The following COQ8A variants were observed in gnomAD, a reference collection of about 807,000 sequenced individuals.
The protein encoded by COQ8A is atypical kinase COQ8A, mitochondrial.
In COQ8A, 51 loss-of-function variants were observed where a neutral mutation model predicts 65.0. The ratio of observed to expected loss-of-function variants is 0.78; its 90% CI spans 0.63 to 0.99. The LOEUF (loss-of-function observed/expected upper bound fraction) is 0.99, where lower values mean the gene tolerates loss of function less well. Among genes scored for constraint, COQ8A ranks in the 50% least tolerant of loss-of-function variants. The pLI is 0.00. For missense variants in COQ8A, 940 were observed against 875.0 expected (o/e 1.07, Z -0.94); for synonymous variants, 371 against 353.2 (o/e 1.05, Z -0.57).
intron 1 of COQ8A, among the ~76,000 whole-genome samples, chr1:226,951,002 G>T (rs1193682091): frequency 6.6e-6 from 1 of 152,244 alleles, no homozygotes; most frequent in Non-Finnish European, 1.5e-5. Context: ...GTACAGACCT[G>T]TGTGAGGGCC....
intron 1 of COQ8A, among the ~76,000 whole-genome samples, chr1:226,957,380 G>C (rs1428920572): frequency 2.1e-5 from 3 of 145,968 alleles, no homozygotes; most frequent in Non-Finnish European, 4.4e-5. Flanking sequence ...TCTAGGCTTT[G>C]GTGGCAGATA....
intron 5 of COQ8A, among the ~76,000 whole-genome samples, chr1:226,979,207 T>C (rs1293176070): frequency 6.6e-6 from 1 of 152,242 alleles, no homozygotes; most frequent in Non-Finnish European, 1.5e-5. Context: ...CCACTGAGGT[T>C]GGTGGCCCGC....
At position 226,986,881 on chromosome 1, in the gene COQ8A, T is replaced by C; in HGVS notation, c.*144T>C. 1.0e-6 allele frequency: 1 copy of C among 974,998 alleles called. No homozygotes were observed. The allele number at this position is 974,998 out of a possible 1,614,324, so 60.4% of individuals were successfully genotyped here. A position where few individuals can be genotyped will look rare whatever the true frequency, so the allele number is the denominator to read the frequency against. ...CTGCCTGGAGCCCCGTAGCCAGCGCTTTCCACGGTTTCTGTTGCTAAATGG... is the reference window on the plus strand; with the variant it reads ...CTGCCTGGAGCCCCGTAGCCAGCGCCTTCCACGGTTTCTGTTGCTAAATGG... On this transcript the variant is annotated 3_prime_UTR_variant, in exon 15 of 15. Transcript: ENST00000366777.
chr1:226,960,274 G>GGT (rs1658091957), intron 1 of COQ8A, among the ~76,000 whole-genome samples: 1 of 101,984 alleles, frequency 9.8e-6, no homozygotes, highest in Non-Finnish European at 2.1e-5. Flanking sequence ...GGTACTTGGT[G>GGT]GCGGTGGTAC....
intron 4 of COQ8A, among the ~76,000 whole-genome samples, chr1:226,968,424 A>C (rs1182118318): frequency 6.6e-6 from 1 of 152,240 alleles, no homozygotes; most frequent in Non-Finnish European, 1.5e-5. Flanking sequence ...ATGGCAAGAT[A>C]TTTTAGTTTC....
intron 4 of COQ8A, among the ~76,000 whole-genome samples, chr1:226,967,954 G>T (rs1004796611): frequency 6.6e-6 from 1 of 152,220 alleles, no homozygotes; most frequent in Admixed American, 6.5e-5. Context: ...TGGCCCTAGT[G>T]GGGAATTCTG....
intron 5 of COQ8A, 124 bp downstream of exon 5, chr1:226,977,647 C>A: frequency 9.5e-7 from 1 of 1,047,454 alleles, no homozygotes; most frequent in Non-Finnish European, 1.4e-6. Context: ...TGGGGTTCCA[C>A]GTAAGTGGCG....
chr1:226,961,153 C>T (rs919155864), intron 1 of COQ8A, among the ~76,000 whole-genome samples: 4 of 152,188 alleles, frequency 2.6e-5, no homozygotes, highest in African/African-American at 9.7e-5. Flanking sequence ...CACACCGCAC[C>T]ACTGACTCAA....
At position 226,986,844 on chromosome 1, in the gene COQ8A, T is replaced by C; in HGVS notation, c.*107T>C. 1.4e-6 allele frequency: 2 copies of C among 1,409,470 alleles called. No homozygotes were observed. Among genetic ancestry groups the C allele is most frequent in the South Asian group, 2.5e-5 (2 of 80,224 alleles). The allele number at this position is 1,409,470 out of a possible 1,614,324, so 87.3% of individuals were successfully genotyped here. A position where few individuals can be genotyped will look rare whatever the true frequency, so the allele number is the denominator to read the frequency against. On this transcript the variant is annotated 3_prime_UTR_variant, in exon 15 of 15. Coordinates refer to ENST00000366777, the MANE Select transcript of COQ8A (RefSeq NM_020247.5). ...TGCTCTTTTTAACTCCTTTGCCCAA[T>C]AAGGGGGGTGGCTGCCTGGAGCCCC...
intron 1 of COQ8A, among the ~76,000 whole-genome samples, chr1:226,960,507 G>GTGGTGGTGGTGGTGCT (rs1658170290): frequency 1.3e-5 from 1 of 79,104 alleles, no homozygotes; most frequent in Non-Finnish European, 2.6e-5. Flanking sequence ...GTGGTGCTTG[G>GTGGTGGTGGTGGTGCT]TGGTGGTGGT....
At chr1:226,962,128 C>T (rs1490606179) in intron 2 of COQ8A, among the ~76,000 whole-genome samples, 3 of 152,196 alleles carry the variant, frequency 2.0e-5, no homozygotes, top group Non-Finnish European at 4.4e-5. Flanking sequence ...CTTCGAAGGC[C>T]CTTCCCACTG....
intron 5 of COQ8A, among the ~76,000 whole-genome samples, chr1:226,978,542 AC>A (rs1359280333): frequency 8.7e-5 from 9 of 103,732 alleles, no homozygotes; most frequent in Non-Finnish European, 1.2e-4. Context: ...GCACCTCCTT[AC>A]CCTCCACACA....
chr1:226,970,556 A>G (rs1173305912), intron 4 of COQ8A, among the ~76,000 whole-genome samples: 2 of 152,212 alleles, frequency 1.3e-5, no homozygotes, highest in Admixed American at 1.3e-4. Flanking sequence ...ATGTTACATG[A>G]TGCGTGACCG....
Position 226,972,700 on chromosome 1 carries a change from C to T in COQ8A, c.656-4749C>T, listed in dbSNP as rs1306181406. On this transcript the variant is annotated intron_variant, in intron 4 of 14. Coordinates refer to ENST00000366777, the MANE Select transcript of COQ8A (RefSeq NM_020247.5). This position sits in a 1 kb window ranked among gnomAD's most constrained non-coding sequence, Gnocchi z 4.3. ...GACCATTGTGCCCCATCCCCCCAAACTTTTGTGTCCCTCATCTCAGTGGTA... is the reference window on the plus strand; with the variant it reads ...GACCATTGTGCCCCATCCCCCCAAATTTTTGTGTCCCTCATCTCAGTGGTA... Among the ~76,000 whole-genome samples the T allele has an allele frequency of 6.6e-6, 1 of 152,172 alleles. No homozygotes were observed. The highest frequency in any genetic ancestry group is 2.4e-5 in the African/African-American group (1 of 41,436).
chr1:226,985,707 T>C (rs1036287432), intron 14 of COQ8A, among the ~76,000 whole-genome samples: 5 of 152,180 alleles, frequency 3.3e-5, no homozygotes, highest in Non-Finnish European at 5.9e-5. Flanking sequence ...CTTAGAAGCC[T>C]TTTAAATAAA....
intron 1 of COQ8A, among the ~76,000 whole-genome samples, chr1:226,956,103 C>T (rs1262963184): frequency 7.0e-6 from 1 of 142,756 alleles, no homozygotes; most frequent in Non-Finnish European, 1.5e-5. Flanking sequence ...CACACTCTCC[C>T]TGGCTCTCAC....
At position 226,984,657 on chromosome 1, in the gene COQ8A, T is replaced by TG; in HGVS notation, c.1506+3dup. 6.2e-7 allele frequency: 1 copy of TG among 1,613,680 alleles called. No individual in the cohort carries two copies. ...TTCTATGACCCCCAGCAGCACAAGGTGAGCCCCAGGGTGGGGGCACCCGCA... is the reference window on the plus strand; with the variant it reads ...TTCTATGACCCCCAGCAGCACAAGGTGGAGCCCCAGGGTGGGGGCACCCGCA... On this transcript the variant is annotated splice_region_variant and intron_variant, in intron 12 of 14. Transcript: ENST00000366777.
intron 11 of COQ8A, 88 bp downstream of exon 11, chr1:226,984,323 A>T: frequency 6.3e-7 from 1 of 1,581,520 alleles, no homozygotes; most frequent in African/African-American, 1.3e-5. Context: ...GGGGACTTGG[A>T]GCCCTGAGGT....
At position 226,946,440 on chromosome 1, in the gene COQ8A, C is replaced by T. The variant is rs1342095948; in HGVS notation, c.-10+6041C>T. Among the ~76,000 whole-genome samples the T allele has an allele frequency of 4.6e-5, 7 of 152,090 alleles. 1 individual carries two copies. The South Asian group carries it at 8.3e-4, about 18-fold the overall frequency. On this transcript the variant is annotated intron_variant, in intron 1 of 14. Transcript: ENST00000366777. The surrounding 1 kb of genome is among the most constrained non-coding windows in gnomAD (Gnocchi z 5.3). ...CCATTCTGGCTGAAGCGTTGGGGCACGGAGGCATCTAGCGAGAGGTATCGC... is the reference window on the plus strand; with the variant it reads ...CCATTCTGGCTGAAGCGTTGGGGCATGGAGGCATCTAGCGAGAGGTATCGC...
Sources: allele counts gnomAD v4.1 joint callset (sites outside exome capture counted in the v4.1 genomes callset), GRCh38; gene constraint gnomAD v4.1.1; non-coding constraint Gnocchi (gnomAD v3.1); transcripts MANE v1.5; gene names NCBI Gene and HGNC (gene_info 2026-07-23, HGNC 2026-07-21).